EXOC2: variants seen among roughly 807,000 people sequenced by gnomAD.
EXOC2 encodes exocyst complex component 2.
EXOC2 carries 70 observed loss-of-function variants against 131.8 expected under a neutral mutation model. The ratio of observed to expected loss-of-function variants is 0.53; its 90% CI spans 0.44 to 0.65. The LOEUF (loss-of-function observed/expected upper bound fraction) is 0.65. Among genes scored for constraint, EXOC2 ranks in the 30% least tolerant of loss-of-function variants. The probability of loss-of-function intolerance (pLI) is 0.00; values close to 1 mark genes in which losing one functional copy is unlikely to be tolerated. For missense variants in EXOC2, 923 were observed against 1,108.6 expected (o/e 0.83, Z 2.38); for synonymous variants, 411 against 398.4 (o/e 1.03, Z -0.38).
At chr6:617,891 A>G (rs1207532141) in intron 5 of EXOC2, 56 bp from the exon 6 acceptor site, 2 of 1,583,540 alleles carry the variant, frequency 1.3e-6, no homozygotes, top group Non-Finnish European at 1.7e-6. Context: ...AGAAAGAAAA[A>G]ATAATTCCTT....
chr6:510,146 A>G (rs538424090), intron 23 of EXOC2, among the ~76,000 whole-genome samples: 1 of 152,344 alleles, frequency 6.6e-6, no homozygotes, highest in South Asian at 2.1e-4. Flanking sequence ...CACTATTAGT[A>G]GAACAGAGAG....
At chr6:594,201 A>G (rs1759692548) in intron 10 of EXOC2, among the ~76,000 whole-genome samples, 1 of 152,258 alleles carries the variant, frequency 6.6e-6, no homozygotes, top group Admixed American at 6.5e-5. Flanking sequence ...CAATCTAACA[A>G]GTTACATTTA....
At chr6:494,906 G>T (rs1273783535) in intron 25 of EXOC2, among the ~76,000 whole-genome samples, 2 of 152,062 alleles carry the variant, frequency 1.3e-5, no homozygotes, top group African/African-American at 4.8e-5. Flanking sequence ...TTGAGAAAGG[G>T]TGTCACTCTG....
At chr6:640,119 T>C (rs1471792529) in intron 1 of EXOC2, among the ~76,000 whole-genome samples, 1 of 152,234 alleles carries the variant, frequency 6.6e-6, no homozygotes, top group Non-Finnish European at 1.5e-5. Context: ...TTTCAGTCTC[T>C]TTTTCTATGA....
chr6:643,324 G>C (rs1762437842), intron 1 of EXOC2, among the ~76,000 whole-genome samples: 1 of 145,968 alleles, frequency 6.9e-6, no homozygotes, highest in Admixed American at 7.0e-5. Flanking sequence ...CGATATGCTG[G>C]GCCATAAAGT....
chr6:505,153 G>T (rs879586673), intron 23 of EXOC2, among the ~76,000 whole-genome samples: 1 of 151,960 alleles, frequency 6.6e-6, no homozygotes, highest in Middle Eastern at 3.2e-3. Context: ...AAAAAAACAC[G>T]AATACAACAT....
intron 1 of EXOC2, among the ~76,000 whole-genome samples, chr6:671,762 GA>G (rs1047974805): frequency 5.9e-5 from 9 of 152,010 alleles, no homozygotes; most frequent in Admixed American, 6.6e-5. Context: ...CATGGTTGCT[GA>G]AAAAAAGTCT....
chr6:499,102 G>A (rs951958966), intron 24 of EXOC2, among the ~76,000 whole-genome samples: 2 of 152,086 alleles, frequency 1.3e-5, no homozygotes, highest in South Asian at 2.1e-4. Context: ...GCAAGTTTTC[G>A]CATGGCCCAG....
At chr6:606,902 C>G (rs1760449041) in intron 7 of EXOC2, among the ~76,000 whole-genome samples, 1 of 152,236 alleles carries the variant, frequency 6.6e-6, no homozygotes, top group East Asian at 1.9e-4. Flanking sequence ...CGACCAATCC[C>G]TTCCCGATCA....
At chr6:660,865 A>T (rs1341711947) in intron 1 of EXOC2, among the ~76,000 whole-genome samples, 2 of 152,264 alleles carry the variant, frequency 1.3e-5, no homozygotes, top group Admixed American at 6.5e-5. Flanking sequence ...AGGAGGGATC[A>T]GGGAAAGGCG....
At chr6:661,872 G>A (rs1763437163) in intron 1 of EXOC2, among the ~76,000 whole-genome samples, 1 of 152,160 alleles carries the variant, frequency 6.6e-6, no homozygotes, top group African/African-American at 2.4e-5. Flanking sequence ...GAATGGATAA[G>A]AACTCACCAA....
intron 23 of EXOC2, among the ~76,000 whole-genome samples, chr6:522,460 G>A (rs1765522850): frequency 6.6e-6 from 1 of 151,742 alleles, no homozygotes. Context: ...GTCTCAGGCA[G>A]GTCCATGCGG....
chr6:598,406 T>C (rs538566792), intron 9 of EXOC2, among the ~76,000 whole-genome samples: 2 of 152,364 alleles, frequency 1.3e-5, no homozygotes, highest in Admixed American at 1.3e-4. Context: ...ATTTCATTTT[T>C]AAATTTAATA....
At chr6:540,886 T>A (rs2127553809) in intron 22 of EXOC2, among the ~76,000 whole-genome samples, 1 of 152,204 alleles carries the variant, frequency 6.6e-6, no homozygotes, top group South Asian at 2.1e-4. Context: ...AAATAAAGTA[T>A]CTAAAAAGGA....
At chr6:549,121 G>T in intron 22 of EXOC2, 54 bp downstream of exon 22, 1 of 1,466,464 alleles carries the variant, frequency 6.8e-7, no homozygotes, top group Non-Finnish European at 9.5e-7. Flanking sequence ...GAAACAGCTT[G>T]AAAACTGAGC....
intron 22 of EXOC2, among the ~76,000 whole-genome samples, chr6:540,684 G>A (rs1766763663): frequency 1.3e-5 from 2 of 152,042 alleles, no homozygotes; most frequent in African/African-American, 4.8e-5. Flanking sequence ...AGAGTGAGAA[G>A]GTCTAACATA....
intron 23 of EXOC2, among the ~76,000 whole-genome samples, chr6:521,211 G>A (rs1359320768): frequency 6.9e-6 from 1 of 145,140 alleles, no homozygotes; most frequent in Admixed American, 6.9e-5. Context: ...CACACTCGGA[G>A]ATGAAAACCA....
chr6:673,207 C>T (rs900296709), intron 1 of EXOC2, among the ~76,000 whole-genome samples: 1 of 127,496 alleles, frequency 7.8e-6, no homozygotes, highest in Non-Finnish European at 1.6e-5. Flanking sequence ...GGCAAGATCG[C>T]GCCATTGCAC....
intron 26 of EXOC2, among the ~76,000 whole-genome samples, chr6:490,616 A>G (rs1763376979): frequency 6.6e-6 from 1 of 152,238 alleles, no homozygotes. Context: ...CATCAACACT[A>G]TAACCCAGTA....
Sources: gnomAD v4.1 joint callset for allele counts (sites outside exome capture counted in the v4.1 genomes callset) on GRCh38, gnomAD v4.1.1 for gene constraint, MANE v1.5 for transcripts, NCBI Gene and HGNC (gene_info 2026-07-23, HGNC 2026-07-21) for gene names.